Variants in COLEC10 observed in about 807,000 individuals in gnomAD.
The protein encoded by COLEC10 is collectin subfamily member 10.
COLEC10 carries 22 observed loss-of-function variants against 28.4 expected under a neutral mutation model. That is an observed-to-expected ratio of 0.78 (90% confidence interval 0.55 to 1.11). The LOEUF (loss-of-function observed/expected upper bound fraction) is 1.11. Among genes scored for constraint, COLEC10 ranks in the 50% least tolerant of loss-of-function variants. The probability of loss-of-function intolerance (pLI) is 0.00; values close to 1 mark genes in which losing one functional copy is unlikely to be tolerated. For synonymous variants in COLEC10, 125 were observed against 116.1 expected (o/e 1.08, Z -0.49); for missense variants, 361 against 344.1 (o/e 1.05, Z -0.39).
At chr8:119,063,731 C>CAAA (rs60292327), upstream of COLEC10, among the ~76,000 whole-genome samples, 3,966 of 136,350 alleles carry the variant, frequency 0.029, 122 homozygotes, top group East Asian at 0.18. Context: ...ATTCAATTCA[C>CAAA]AAAAAAAAAA....
At chr8:118,973,815 C>G in the COLEC10 span, among the ~76,000 whole-genome samples, 1 of 151,940 alleles carries the variant, frequency 6.6e-6, no homozygotes, top group Non-Finnish European at 1.5e-5. Flanking sequence ...TCATGCCATA[C>G]GTATAGTCCA....
the COLEC10 span, among the ~76,000 whole-genome samples, chr8:118,986,848 T>C: frequency 6.6e-6 from 1 of 152,152 alleles, no homozygotes; most frequent in Admixed American, 6.6e-5. Context: ...GGTAAATTTA[T>C]AGACACAGAA....
the COLEC10 span, among the ~76,000 whole-genome samples, chr8:118,981,991 C>G: frequency 7.0e-6 from 1 of 141,970 alleles, no homozygotes; most frequent in Admixed American, 6.9e-5. Flanking sequence ...ATGGCATCAC[C>G]CCTACTTTTT....
At chr8:118,971,935 C>G in the COLEC10 span, among the ~76,000 whole-genome samples, 10,429 of 151,936 alleles carry the variant, frequency 0.069, 632 homozygotes, top group East Asian at 0.17. Flanking sequence ...TGCCACACTC[C>G]CACCTGCAAC....
At chr8:118,994,747 A>C (rs922657463), upstream of COLEC10, among the ~76,000 whole-genome samples, 2 of 152,198 alleles carry the variant, frequency 1.3e-5, no homozygotes, top group Non-Finnish European at 2.9e-5. Context: ...AGCTGAACTC[A>C]CTCAAATTTC....
chr8:119,093,153 A>G (rs2130286846), intron 3 of COLEC10, among the ~76,000 whole-genome samples: 1 of 152,284 alleles, frequency 6.6e-6, no homozygotes, highest in East Asian at 1.9e-4. Flanking sequence ...CTTTTTGTAA[A>G]TGCTTGAGCA....
At chr8:119,102,603 C>A (rs1444016894) in intron 4 of COLEC10, 3 of 496,204 alleles carry the variant, frequency 6.0e-6, no homozygotes, top group Non-Finnish European at 1.1e-5. Flanking sequence ...GGGATGATGA[C>A]ACGTTTCATC....
intron 2 of COLEC10, among the ~76,000 whole-genome samples, chr8:119,052,833 GCAAA>G (rs964830300): frequency 2.0e-5 from 3 of 152,036 alleles, no homozygotes; most frequent in African/African-American, 7.2e-5. Context: ...TTAGTTGAAG[GCAAA>G]CAAGCAAGAG....
chr8:119,065,581 G>A (rs558141456), upstream of COLEC10, among the ~76,000 whole-genome samples: 1 of 152,072 alleles, frequency 6.6e-6, no homozygotes, highest in Non-Finnish European at 1.5e-5. Flanking sequence ...TTGAGGCCAG[G>A]CATGGTGGCT....
At chr8:118,993,633 G>A (rs1813542062), upstream of COLEC10, among the ~76,000 whole-genome samples, 1 of 152,154 alleles carries the variant, frequency 6.6e-6, no homozygotes, top group African/African-American at 2.4e-5. Context: ...GAGATTACAG[G>A]CGTGAGCCAC....
At chr8:119,006,188 A>G (rs963471366) in intron 1 of COLEC10, among the ~76,000 whole-genome samples, 1 of 152,044 alleles carries the variant, frequency 6.6e-6, no homozygotes, top group Non-Finnish European at 1.5e-5. Flanking sequence ...TCAGGAGGGA[A>G]TGTTGTGATG....
chr8:118,988,776 C>T, the COLEC10 span, among the ~76,000 whole-genome samples: 1 of 152,160 alleles, frequency 6.6e-6, no homozygotes, highest in Non-Finnish European at 1.5e-5. Context: ...GGGGAGCCAA[C>T]AACAGAAACT....
At chr8:119,093,837 G>A (rs776112792) in intron 3 of COLEC10, among the ~76,000 whole-genome samples, 6 of 151,984 alleles carry the variant, frequency 3.9e-5, no homozygotes, top group South Asian at 2.1e-4. Context: ...TAATTTGTGC[G>A]TCCTTAAGTG....
At chr8:119,015,861 G>T (rs1813982368) in intron 2 of COLEC10, among the ~76,000 whole-genome samples, 1 of 152,112 alleles carries the variant, frequency 6.6e-6, no homozygotes, top group Non-Finnish European at 1.5e-5. Flanking sequence ...ACTAGAAAAT[G>T]GCCAAGCTTT....
intron 1 of COLEC10, among the ~76,000 whole-genome samples, chr8:119,078,988 C>T (rs925592734): frequency 7.2e-5 from 9 of 124,474 alleles, no homozygotes; most frequent in African/African-American, 1.2e-4. Context: ...TCTGGGAAAA[C>T]GTACACACAC....
At chr8:118,999,632 A>G (rs886961693) in intron 1 of COLEC10, among the ~76,000 whole-genome samples, 2 of 151,790 alleles carry the variant, frequency 1.3e-5, no homozygotes, top group Non-Finnish European at 2.9e-5. Flanking sequence ...ACTGAGAAAG[A>G]GTTTTCCTCA....
chr8:119,074,754 C>T (rs1484961346), intron 1 of COLEC10, among the ~76,000 whole-genome samples: 2 of 152,224 alleles, frequency 1.3e-5, no homozygotes, highest in South Asian at 2.1e-4. Context: ...CTTCTCTTCG[C>T]TGATATTGCT....
At chr8:119,045,129 T>A (rs1814564914) in intron 2 of COLEC10, among the ~76,000 whole-genome samples, 2 of 152,194 alleles carry the variant, frequency 1.3e-5, no homozygotes, top group South Asian at 4.1e-4. Context: ...TCCTCAGAAA[T>A]TTCAGAAGGG....
intron 2 of COLEC10, among the ~76,000 whole-genome samples, chr8:119,056,356 GA>G (rs1202366213): frequency 1.3e-5 from 2 of 152,020 alleles, no homozygotes; most frequent in African/African-American, 4.8e-5. Flanking sequence ...ACAACGAGAT[GA>G]AAGTGGATTT....
Sources: gnomAD v4.1 joint callset for allele counts (sites outside exome capture counted in the v4.1 genomes callset) on GRCh38, gnomAD v4.1.1 for gene constraint, MANE v1.5 for transcripts, NCBI Gene and HGNC (gene_info 2026-07-23, HGNC 2026-07-21) for gene names.